STAT5B: variants seen among roughly 807,000 people sequenced by gnomAD.
The protein encoded by STAT5B is transcription factor STAT5B.
A neutral mutation model predicts 107.8 loss-of-function variants in STAT5B; 21 were observed. That is an observed-to-expected ratio of 0.19 (90% CI 0.14 to 0.28). The LOEUF is 0.28. STAT5B is among the 10% of genes least tolerant of loss of function. The pLI is 1.00. For synonymous variants in STAT5B, 325 were observed against 401.7 expected (o/e 0.81, Z 2.28); for missense variants, 565 against 1,008.2 (o/e 0.56, Z 5.95).
At chr17:42,267,436 C>T (rs1396035943) in intron 1 of STAT5B, among the ~76,000 whole-genome samples, 1 of 152,108 alleles carries the variant, frequency 6.6e-6, no homozygotes, top group Admixed American at 6.5e-5. Flanking sequence ...TACTGATGAC[C>T]CTGACCCTGT....
intron 1 of STAT5B, among the ~76,000 whole-genome samples, chr17:42,258,826 G>C (rs2080569739): frequency 6.6e-6 from 1 of 152,176 alleles, no homozygotes; most frequent in Non-Finnish European, 1.5e-5. Flanking sequence ...GTGTGAACTT[G>C]GCAGTTTAGG....
At chr17:42,206,870 C>T (rs1430182320) in intron 16 of STAT5B, among the ~76,000 whole-genome samples, 4 of 142,766 alleles carry the variant, frequency 2.8e-5, no homozygotes, top group South Asian at 2.3e-4. Context: ...CCACCACGCC[C>T]GACCTTCCTT....
chr17:42,219,646 C>G lies in STAT5B; in HGVS notation c.681+66G>C, dbSNP rs868604269. On this transcript the variant is annotated intron_variant, in intron 6 of 18. Coordinates refer to ENST00000293328, the MANE Select transcript of STAT5B (RefSeq NM_012448.4). Reference sequence around the variant, plus strand: ...CTGCTCTCATGCTGGTCCCAGCCCTCCCTCGGGTCCCCAGAGACTGACTTC... The same window carrying G: ...CTGCTCTCATGCTGGTCCCAGCCCTGCCTCGGGTCCCCAGAGACTGACTTC... The G allele has an allele frequency of 1.4e-5, 21 of 1,527,970 alleles. No individual in the cohort carries two copies. The African/African-American group carries it at 2.5e-4, about 19-fold the overall frequency. 94.7% of individuals were successfully genotyped at this position (1,527,970 alleles called of 1,614,324 possible). A position where few individuals can be genotyped will look rare whatever the true frequency, so the allele number is the denominator to read the frequency against.
intron 1 of STAT5B, among the ~76,000 whole-genome samples, chr17:42,235,629 C>T (rs557092437): frequency 7.2e-5 from 11 of 152,220 alleles, no homozygotes; most frequent in East Asian, 1.9e-4. Flanking sequence ...AGGCACACAC[C>T]GCCACGCCCA....
At chr17:42,214,281 T>A (rs959823033) in intron 12 of STAT5B, 37 of 983,770 alleles carry the variant, frequency 3.8e-5, no homozygotes, top group Non-Finnish European at 4.3e-5. Flanking sequence ...ACACAGAGAG[T>A]GAGATCTGTG....
rs1409480904 is a variant in STAT5B at position 42,227,690 on chromosome 17, G to A, written c.129-5C>T. 1.2e-6 allele frequency: 2 copies of A among 1,613,718 alleles called. No individual in the cohort carries two copies. The highest frequency in any genetic ancestry group is 1.1e-5 in the South Asian group (1 of 91,064). The stretch of plus-strand genomic sequence containing the variant: ...TTATCAAGATCTACTGAGTCCCTAG[G>A]GGAAAAAAATTACATAATCTGTATA... On this transcript the variant is annotated splice_polypyrimidine_tract_variant and splice_region_variant and intron_variant, in intron 2 of 18. Coordinates refer to ENST00000293328, the MANE Select transcript of STAT5B (RefSeq NM_012448.4).
At chr17:42,260,487 C>T (rs2080585426) in intron 1 of STAT5B, among the ~76,000 whole-genome samples, 1 of 152,074 alleles carries the variant, frequency 6.6e-6, no homozygotes, top group Non-Finnish European at 1.5e-5. Flanking sequence ...CGACTCACTG[C>T]AGCCTTAACC....
intron 4 of STAT5B, 72 bp from the exon 5 acceptor site, chr17:42,223,628 A>G: frequency 6.3e-7 from 1 of 1,579,404 alleles, no homozygotes. Context: ...CCCCAGGAAA[A>G]GCCAGCTCCT....
chr17:42,223,659 A>G (rs531386329), intron 4 of STAT5B, 103 bp from the exon 5 acceptor site: 4 of 1,453,206 alleles, frequency 2.8e-6, no homozygotes, highest in East Asian at 2.3e-5. Context: ...TAAGACCCCA[A>G]AAGGTAAATT....
chr17:42,237,731 G>C (rs1777714210), intron 1 of STAT5B, among the ~76,000 whole-genome samples: 1 of 152,084 alleles, frequency 6.6e-6, no homozygotes, highest in African/African-American at 2.4e-5. Flanking sequence ...TCTAAACTGG[G>C]GTTAAACTTT....
Position 42,217,438 on chromosome 17 carries a change from T to C in STAT5B, c.1196A>G (p.Asn399Ser). Residue 399 changes from asparagine to serine, a missense_variant, in exon 10 of 19, where the codon AAC becomes AGC. Asn to Ser is a conservative substitution (Grantham distance 46). Coordinates refer to ENST00000293328, the MANE Select transcript of STAT5B (RefSeq NM_012448.4). ...TTGGTGGTACTCCATGACGCAGCAG[T>C]TGTTCAAGATCTCGCCACTGTAATC... ...RNDYSGEILN[N>S]CCVMEYHQAT... The C allele has an allele frequency of 1.9e-6, 3 of 1,614,190 alleles. No individual in the cohort carries two copies. The highest frequency in any genetic ancestry group is 2.5e-6 in the Non-Finnish European group (3 of 1,180,032).
the STAT5B span, among the ~76,000 whole-genome samples, chr17:42,287,387 G>A: frequency 6.6e-6 from 1 of 151,900 alleles, no homozygotes; most frequent in Admixed American, 6.6e-5. Context: ...GGGCAGCTGG[G>A]CTGGCCCCTC....
upstream of STAT5B, chr17:42,276,396 C>G (rs1439677508): frequency 6.8e-6 from 1 of 147,112 alleles, no homozygotes; most frequent in African/African-American, 2.4e-5. This position sits in a 1 kb window ranked among gnomAD's most constrained non-coding sequence, Gnocchi z 4.8. Flanking sequence ...GCCGCCGACT[C>G]TCCTCCCGCC....
chr17:42,202,201 G>T, intron 18 of STAT5B, 139 bp downstream of exon 18: 1 of 1,025,156 alleles, frequency 9.8e-7, no homozygotes, highest in Non-Finnish European at 1.5e-6. Context: ...CCCTCCCAAA[G>T]GCCAGAGCCC....
intron 1 of STAT5B, chr17:42,268,503 T>C (rs1005688145): frequency 6.6e-6 from 1 of 152,174 alleles, no homozygotes; most frequent in African/African-American, 2.4e-5. Context: ...CAAACGACTA[T>C]AGTTACGTAA....
chr17:42,206,727 C>T (rs1027148838), intron 16 of STAT5B, among the ~76,000 whole-genome samples: 9 of 151,900 alleles, frequency 5.9e-5, no homozygotes, highest in African/African-American at 1.9e-4. Context: ...AGGCATGCGC[C>T]ACCATGCCAG....
Position 42,201,617 on chromosome 17 carries a change from G to T in STAT5B, c.*121C>A. 1.3e-6 allele frequency: 1 copy of T among 795,576 alleles called. No homozygotes were observed. Among genetic ancestry groups the T allele is most frequent in the Non-Finnish European group, 2.2e-6 (1 of 452,162 alleles). The allele number at this position is 795,576 out of a possible 1,614,324, so 49.3% of individuals were successfully genotyped here. ...CACAGAAACACTAAGGTCACAACTA[G>T]TATTAACACTTCACATTATGAGTAT... is the stretch of plus-strand genomic sequence containing the variant. On this transcript the variant is annotated 3_prime_UTR_variant, in exon 19 of 19. Transcript: ENST00000293328.
rs143237549 is a variant in STAT5B, at chr17:42,209,618, G to A, written c.1906+553C>T. ...AGCTAATCGGGAGGCTAAGGGAGGA[G>A]GACTGCTTGAGGCCAGGAGGTCAAG... On this transcript the variant is annotated intron_variant, in intron 15 of 18. Coordinates refer to ENST00000293328, the MANE Select transcript of STAT5B (RefSeq NM_012448.4). 2.4e-3 allele frequency among the ~76,000 whole-genome samples: 360 copies of A among 152,274 alleles called. 16 individuals carry two copies. In the East Asian group the frequency reaches 0.064, roughly 27 times the overall value.
At chr17:42,212,814 CAT>C (rs772436023) in intron 12 of STAT5B, among the ~76,000 whole-genome samples, 6 of 152,342 alleles carry the variant, frequency 3.9e-5, no homozygotes, top group South Asian at 2.1e-4. Flanking sequence ...GTGATTTTCA[CAT>C]GATTTAAAAT....
Sources: gnomAD v4.1 joint callset for allele counts (sites outside exome capture counted in the v4.1 genomes callset) on GRCh38, gnomAD v4.1.1 for gene constraint, Gnocchi (gnomAD v3.1) non-coding constraint, MANE v1.5 for transcripts, NCBI Gene and HGNC (gene_info 2026-07-23, HGNC 2026-07-21) for gene names.